Variants in IL1RAPL2 observed in about 807,000 individuals in gnomAD.
IL1RAPL2 encodes interleukin 1 receptor accessory protein like 2.
A neutral mutation model predicts 44.1 loss-of-function variants in IL1RAPL2; 3 were observed. That is an observed-to-expected ratio of 0.07 (90% CI 0.03 to 0.18). The LOEUF (loss-of-function observed/expected upper bound fraction) is 0.18. IL1RAPL2 is among the 10% of genes least tolerant of loss of function. The pLI is 1.00. For missense variants in IL1RAPL2, 391 were observed against 496.4 expected, an observed-to-expected ratio of 0.79 and a Z score of 2.02; for synonymous variants, 181 against 178.8, an observed-to-expected ratio of 1.01 and a Z score of -0.10.
rs1430020957 is a variant in IL1RAPL2 at position 105,740,555 on chromosome X, A to G, written c.912A>G (p.Lys304=). Residue 304 remains lysine (K), a synonymous_variant, in exon 8 of 11, where the codon AAA becomes AAG. Coordinates refer to ENST00000372582, the MANE Select transcript of IL1RAPL2 (RefSeq NM_017416.2). ...ACCGTCTTTATTTCAGGCTTCTCAA[A>G]GAGCATCTTGGAGAAAAAGAAGTTG... The part of the protein sequence containing the change: ...HIREGEIRLL[K]EHLGEKEVEL... 17 of 1,209,170 alleles carry G rather than the reference A, an allele frequency of 1.4e-5. No homozygotes were observed. The highest frequency in any genetic ancestry group is 1.9e-5 in the Non-Finnish European group (17 of 893,927).
intron 4 of IL1RAPL2, among the ~76,000 whole-genome samples, chrX:105,245,425 G>C (rs1025040174): frequency 9.0e-6 from 1 of 111,448 alleles, no homozygotes; most frequent in Non-Finnish European, 1.9e-5. Context: ...GCCTGAGTAA[G>C]CCAATCCAGC....
At position 105,522,847 on chromosome X, in the gene IL1RAPL2, A is replaced by T. The variant is rs991743607; in HGVS notation, c.772+38460A>T. ...CAATAATCAGTATCCTGTTTGGGAA[A>T]CATTCCCCAGAGGTTTTCAATGACT... On this transcript the variant is annotated intron_variant, in intron 6 of 10. Transcript: ENST00000372582. 1.3e-4 allele frequency among the ~76,000 whole-genome samples: 14 copies of T among 111,490 alleles called. 1 individual carries two copies. The Middle Eastern group carries it at 0.018, about 145-fold the overall frequency.
At chrX:105,212,900 A>G (rs2033820241) in intron 3 of IL1RAPL2, among the ~76,000 whole-genome samples, 1 of 112,232 alleles carries the variant, frequency 8.9e-6, no homozygotes, top group South Asian at 3.7e-4. Flanking sequence ...GACTGTTAGA[A>G]GAAAAACTAA....
At chrX:104,792,422 T>C (rs1932830846) in intron 2 of IL1RAPL2, among the ~76,000 whole-genome samples, 1 of 110,383 alleles carries the variant, frequency 9.1e-6, no homozygotes. Flanking sequence ...GATCGGGGCA[T>C]GAGGAAGAGG....
intron 5 of IL1RAPL2, among the ~76,000 whole-genome samples, chrX:105,357,487 A>C (rs1167721499): frequency 8.9e-6 from 1 of 111,846 alleles, no homozygotes; most frequent in African/African-American, 3.2e-5. Flanking sequence ...ACAAATTTTT[A>C]GTCTTAATTT....
chrX:105,722,922 A>G (rs2038318589), intron 7 of IL1RAPL2, among the ~76,000 whole-genome samples: 2 of 110,611 alleles, frequency 1.8e-5, no homozygotes, highest in African/African-American at 6.6e-5. Context: ...TTATATCTAT[A>G]CTAATCTTAT....
intron 6 of IL1RAPL2, among the ~76,000 whole-genome samples, chrX:105,539,038 A>G (rs2036700192): frequency 9.0e-6 from 1 of 111,517 alleles, no homozygotes; most frequent in Admixed American, 9.5e-5. Context: ...AAAATCAGAG[A>G]TGACACAAAC....
chrX:104,630,577 C>A (rs1172410180), intron 1 of IL1RAPL2, among the ~76,000 whole-genome samples: 3 of 110,718 alleles, frequency 2.7e-5, no homozygotes, highest in Non-Finnish European at 5.7e-5. Context: ...GGATTACAGG[C>A]CTGAGCCACT....
intron 2 of IL1RAPL2, among the ~76,000 whole-genome samples, chrX:105,113,447 T>C (rs888783566): frequency 3.6e-5 from 4 of 112,341 alleles, no homozygotes; most frequent in Non-Finnish European, 5.6e-5. Context: ...GATTTGGAGG[T>C]GGGACAATCT....
intron 6 of IL1RAPL2, among the ~76,000 whole-genome samples, chrX:105,711,790 G>GTAT (rs1357381907): frequency 9.0e-6 from 1 of 111,731 alleles, no homozygotes; most frequent in Non-Finnish European, 1.9e-5. Context: ...TAGTGGGACA[G>GTAT]GCATACAATA....
chrX:104,753,679 C>T (rs1233647444), intron 2 of IL1RAPL2, among the ~76,000 whole-genome samples: 3 of 111,532 alleles, frequency 2.7e-5, no homozygotes, highest in Non-Finnish European at 5.7e-5. Flanking sequence ...CCATTAGGAA[C>T]ATAAACAATA....
At chrX:105,738,233 T>C (rs977987629) in intron 7 of IL1RAPL2, among the ~76,000 whole-genome samples, 6 of 112,340 alleles carry the variant, frequency 5.3e-5, no homozygotes, top group African/African-American at 1.9e-4. Context: ...CCTTTACATA[T>C]GCATAGTGCT....
chrX:105,079,458 T>A (rs1380177884), intron 2 of IL1RAPL2, among the ~76,000 whole-genome samples: 9 of 109,791 alleles, frequency 8.2e-5, no homozygotes, highest in African/African-American at 3.0e-4. Flanking sequence ...GTTTTCTTTA[T>A]CCAGTTCTTG....
At chrX:105,688,450 T>C (rs924888252) in intron 6 of IL1RAPL2, among the ~76,000 whole-genome samples, 2 of 111,451 alleles carry the variant, frequency 1.8e-5, no homozygotes, top group African/African-American at 6.5e-5. Flanking sequence ...AGAGCCAAAT[T>C]ATGTGTGAAC....
rs756502289 is a variant in IL1RAPL2 at position 104,567,034 on chromosome X, C to A, written c.-37C>A. ...TGAGACCTGCTGGACGTTTTGCTGGCCGTTTTGCAAGACTCAGGTAATGTC... is the reference window on the plus strand; with the variant it reads ...TGAGACCTGCTGGACGTTTTGCTGGACGTTTTGCAAGACTCAGGTAATGTC... On this transcript the variant is annotated 5_prime_UTR_variant, in exon 1 of 11. Coordinates refer to ENST00000372582, the MANE Select transcript of IL1RAPL2 (RefSeq NM_017416.2). 2 of 112,571 alleles carry A rather than the reference C, an allele frequency of 1.8e-5. No individual in the cohort carries two copies. Among genetic ancestry groups the A allele is most frequent in the Non-Finnish European group, 1.9e-5 (1 of 53,354 alleles). The allele number at this position is 112,571 out of a possible 1,213,427, so 9.3% of individuals were successfully genotyped here. A position where few individuals can be genotyped will look rare whatever the true frequency, so the allele number is the denominator to read the frequency against.
chrX:104,619,662 A>G (rs775728743), intron 1 of IL1RAPL2, among the ~76,000 whole-genome samples: 1 of 112,496 alleles, frequency 8.9e-6, no homozygotes, highest in Admixed American at 9.5e-5. Flanking sequence ...ACCATCTTGG[A>G]AAATGAAACT....
intron 2 of IL1RAPL2, among the ~76,000 whole-genome samples, chrX:104,962,448 G>C (rs1453872577): frequency 9.0e-6 from 1 of 111,461 alleles, no homozygotes; most frequent in African/African-American, 3.3e-5. Flanking sequence ...AAAATCATTT[G>C]CCCTAAGTGC....
At chrX:104,870,142 A>T (rs1922722826) in intron 2 of IL1RAPL2, among the ~76,000 whole-genome samples, 1 of 112,135 alleles carries the variant, frequency 8.9e-6, no homozygotes. Context: ...TTAGAGACAG[A>T]AGTCAGTGCT....
intron 2 of IL1RAPL2, among the ~76,000 whole-genome samples, chrX:104,971,907 G>A (rs748018988): frequency 9.0e-6 from 1 of 111,612 alleles, no homozygotes; most frequent in South Asian, 3.8e-4. Flanking sequence ...TGATGTACAA[G>A]AGAAAGCTAC....
Sources: allele counts gnomAD v4.1 joint callset (sites outside exome capture counted in the v4.1 genomes callset), GRCh38; gene constraint gnomAD v4.1.1; transcripts MANE v1.5; gene names NCBI Gene and HGNC (gene_info 2026-07-23, HGNC 2026-07-21).